ECT2L: variants seen among roughly 807,000 people sequenced by gnomAD.
ECT2L encodes epithelial cell transforming 2 like, also known as epithelial cell-transforming sequence 2 oncogene-like.
ECT2L carries 126 observed loss-of-function variants against 122.8 expected under a neutral mutation model. That is an observed-to-expected ratio of 1.03 (90% CI 0.89 to 1.19). ECT2L has a LOEUF of 1.19. ECT2L is among the 50% of genes most tolerant of loss of function. The pLI is 0.00. For synonymous variants in ECT2L, 385 were observed against 381.8 expected (o/e 1.01, Z -0.10); for missense variants, 1,012 against 1,064.1 (o/e 0.95, Z 0.68).
At chr6:138,882,635 GA>G in intron 15 of ECT2L, 88 bp from the exon 16 acceptor site, 1 of 1,498,174 alleles carries the variant, frequency 6.7e-7, no homozygotes, top group South Asian at 1.3e-5. Context: ...GGACTAGGGT[GA>G]AAATGCCCAT....
At chr6:138,853,075 C>T (rs1276424977) in intron 9 of ECT2L, among the ~76,000 whole-genome samples, 1 of 152,142 alleles carries the variant, frequency 6.6e-6, no homozygotes, top group African/African-American at 2.4e-5. Flanking sequence ...TCAAGCGATT[C>T]TTCTGCCTCA....
chr6:138,870,844 A>C (rs566430478), intron 13 of ECT2L, among the ~76,000 whole-genome samples: 1 of 152,228 alleles, frequency 6.6e-6, no homozygotes, highest in South Asian at 2.1e-4. Flanking sequence ...CCCCGTCTCT[A>C]CTAAAAATAC....
chr6:138,820,845 G>A (rs542451620), intron 4 of ECT2L, among the ~76,000 whole-genome samples: 11 of 152,308 alleles, frequency 7.2e-5, no homozygotes, highest in African/African-American at 2.4e-4. Context: ...TTAGCATTAG[G>A]ATCTGCTATG....
rs1777875558 is a variant in ECT2L, at chr6:138,862,621, A to T, written c.1199-6A>T. 2 of 1,613,768 alleles carry T rather than the reference A, an allele frequency of 1.2e-6. No homozygotes were observed. Among genetic ancestry groups the T allele is most frequent in the Admixed American group, 3.3e-5 (2 of 60,008 alleles). ...GAAACTAACGAAAGTGTTTTTGACT[A>T]TGCAGAGGCAGGAATTGAAGTTCTT... is the stretch of plus-strand genomic sequence containing the variant. On this transcript the variant is annotated splice_region_variant and splice_polypyrimidine_tract_variant and intron_variant, in intron 10 of 21. Coordinates refer to ENST00000541398, the MANE Select transcript of ECT2L (RefSeq NM_001077706.3).
In ECT2L at chr6:138,844,406, T is replaced by C; in HGVS notation, c.596-6T>C. 1.2e-6 allele frequency: 2 copies of C among 1,612,608 alleles called. No homozygotes were observed. Among genetic ancestry groups the C allele is most frequent in the Non-Finnish European group, 1.7e-6 (2 of 1,178,864 alleles). ...TCAGCCCCGCCTGCTGTTCTTTGTT[T>C]TTCAGAGGAGTTATTCAAAGTTCGA... On this transcript the variant is annotated splice_region_variant and splice_polypyrimidine_tract_variant and intron_variant, in intron 6 of 21. Transcript: ENST00000541398.
At chr6:138,900,374 G>A (rs1779358559) in intron 20 of ECT2L, among the ~76,000 whole-genome samples, 1 of 152,018 alleles carries the variant, frequency 6.6e-6, no homozygotes, top group Non-Finnish European at 1.5e-5. Context: ...AGCCTCCCAA[G>A]TAGGTGGGAC....
chr6:138,865,123 G>T lies in ECT2L; in HGVS notation c.1419G>T (p.Lys473Asn). ...FLEETLKTVR[K>N]QLYPFFKELQ... ...AAGAAACCTTGAAAACAGTAAGGAA[G>T]CAGCTGTATCCTTTCTTCAAGGAAC... is the stretch of plus-strand genomic sequence containing the variant. Residue 473 changes from lysine (K) to asparagine (N), a missense_variant, in exon 12 of 22, where the codon AAG becomes AAT. Physicochemically the swap from Lys to Asn is moderately conservative, Grantham distance 94. Coordinates refer to ENST00000541398, the MANE Select transcript of ECT2L (RefSeq NM_001077706.3). 6.2e-7 allele frequency: 1 copy of T among 1,613,984 alleles called. No homozygotes were observed. Among genetic ancestry groups the T allele is most frequent in the South Asian group, 1.1e-5 (1 of 91,056 alleles).
intron 19 of ECT2L, 78 bp downstream of exon 19, chr6:138,887,000 A>G: frequency 1.7e-6 from 2 of 1,164,722 alleles, no homozygotes; most frequent in Non-Finnish European, 2.5e-6. Context: ...AGACCTACAG[A>G]TCCCAAGGCA....
At chr6:138,892,046 T>C (rs1052507951) in intron 20 of ECT2L, among the ~76,000 whole-genome samples, 3 of 152,220 alleles carry the variant, frequency 2.0e-5, no homozygotes, top group Non-Finnish European at 2.9e-5. Context: ...TCTCTCTTCA[T>C]CTGGTATTCC....
intron 20 of ECT2L, among the ~76,000 whole-genome samples, chr6:138,890,492 C>CTTTTTTTTTGTTTTTTTTTTTTTTT (rs1778980543): frequency 1.3e-5 from 1 of 78,990 alleles, no homozygotes; most frequent in Non-Finnish European, 2.2e-5. Flanking sequence ...TTTCTTTGAT[C>CTTTTTTTTTGTTTTTTTTTTTTTTT]TTTTTTTTTT....
Position 138,867,838 on chromosome 6 carries a change from T to G in ECT2L, c.1475-265T>G, listed in dbSNP as rs931405069. Among the ~76,000 whole-genome samples the G allele has an allele frequency of 2.0e-5, 3 of 150,192 alleles. No individual in the cohort carries two copies. The Admixed American group carries it at 2.0e-4, about 10-fold the overall frequency. On this transcript the variant is annotated intron_variant, in intron 12 of 21. Coordinates refer to ENST00000541398, the MANE Select transcript of ECT2L (RefSeq NM_001077706.3). ...GAGCGAGACTCCATCTCAAAATAAATAAATAAATAAAAGTTAAAAAATTAA... is the reference window on the plus strand; with the variant it reads ...GAGCGAGACTCCATCTCAAAATAAAGAAATAAATAAAAGTTAAAAAATTAA...
At chr6:138,882,119 G>C (rs1450702745) in intron 15 of ECT2L, among the ~76,000 whole-genome samples, 2 of 152,192 alleles carry the variant, frequency 1.3e-5, no homozygotes, top group East Asian at 3.8e-4. Context: ...ATATTTTCAA[G>C]TGCATAACAT....
In ECT2L at chr6:138,813,312, C is replaced by T; in HGVS notation, c.38C>T (p.Pro13Leu). 6.2e-7 allele frequency: 1 copy of T among 1,611,964 alleles called. No homozygotes were observed. The highest frequency in any genetic ancestry group is 8.5e-7 in the Non-Finnish European group (1 of 1,179,498). ...SFHTRFSAWTPFSNKSLNRQL... is the reference protein window; with the variant it reads ...SFHTRFSAWTLFSNKSLNRQL... ...CACACCAGATTTAGTGCCTGGACAC[C>T]TTTTAGCAACAAGTCATTAAATAGA... Residue 13 changes from proline to leucine, a missense_variant, in exon 3 of 22, where the codon CCT (proline) becomes CTT (leucine). Physicochemically the swap from Pro to Leu is moderately conservative, Grantham distance 98 (BLOSUM62 -3). Coordinates refer to ENST00000541398, the MANE Select transcript of ECT2L (RefSeq NM_001077706.3).
chr6:138,847,655 G>A (rs146729846), intron 8 of ECT2L, among the ~76,000 whole-genome samples: 1,768 of 151,440 alleles, frequency 0.012, 32 homozygotes, highest in African/African-American at 0.041. Context: ...GGGATTACAG[G>A]CGTAAGCCAC....
chr6:138,846,089 T>A (rs1251958282), intron 7 of ECT2L, among the ~76,000 whole-genome samples: 2 of 152,014 alleles, frequency 1.3e-5, no homozygotes, highest in African/African-American at 4.8e-5. Flanking sequence ...TTTTTTTTTA[T>A]AAAAAGAATT....
At chr6:138,835,023 A>G (rs972773788) in intron 4 of ECT2L, among the ~76,000 whole-genome samples, 1 of 152,034 alleles carries the variant, frequency 6.6e-6, no homozygotes, top group Non-Finnish European at 1.5e-5. Context: ...AGGATGTGAC[A>G]AGGCTACATG....
At chr6:138,874,002 C>T (rs1453450580) in intron 13 of ECT2L, among the ~76,000 whole-genome samples, 1 of 151,296 alleles carries the variant, frequency 6.6e-6, no homozygotes, top group Non-Finnish European at 1.5e-5. Flanking sequence ...TTTTTGTCTG[C>T]CTATAATGTT....
At chr6:138,888,121 A>G (rs1223913993) in intron 19 of ECT2L, among the ~76,000 whole-genome samples, 1 of 152,120 alleles carries the variant, frequency 6.6e-6, no homozygotes, top group Non-Finnish European at 1.5e-5. Flanking sequence ...TTGTTTTGTC[A>G]TAATTTTGGT....
chr6:138,810,496 A>T (rs546732393), intron 1 of ECT2L, among the ~76,000 whole-genome samples: 7 of 152,324 alleles, frequency 4.6e-5, no homozygotes, highest in African/African-American at 1.7e-4. Context: ...GAGAGAAAAA[A>T]ATGTCTCTAA....
Sources: allele counts gnomAD v4.1 joint callset (sites outside exome capture counted in the v4.1 genomes callset), GRCh38; gene constraint gnomAD v4.1.1; transcripts MANE v1.5; gene names NCBI Gene and HGNC (gene_info 2026-07-23, HGNC 2026-07-21).